Variants in ZNHIT6 observed in about 807,000 individuals in gnomAD.
ZNHIT6 encodes the protein zinc finger HIT-type containing 6.
A neutral mutation model predicts 57.2 loss-of-function variants in ZNHIT6; 45 were observed. That is an observed-to-expected ratio of 0.79 (90% CI 0.62 to 1.01). ZNHIT6 has a LOEUF of 1.01. ZNHIT6 is among the 50% of genes least tolerant of loss of function. The pLI, the probability that ZNHIT6 is intolerant of heterozygous loss-of-function variation, is 0.00. For synonymous variants in ZNHIT6, 188 were observed against 190.0 expected (o/e 0.99, Z 0.09); for missense variants, 528 against 567.3 (o/e 0.93, Z 0.70).
chr1:85,673,406 T>C (rs821378), intron 8 of ZNHIT6, among the ~76,000 whole-genome samples: 129,373 of 152,244 alleles, frequency 0.85, 55,312 homozygotes, highest in East Asian at 0.95. Flanking sequence ...AAAAAATAAG[T>C]CATGTATGGC....
chr1:85,672,174 C>T (rs951406617), intron 8 of ZNHIT6, among the ~76,000 whole-genome samples: 6 of 152,150 alleles, frequency 3.9e-5, no homozygotes, highest in African/African-American at 1.4e-4. Context: ...CTCTTAGCCT[C>T]TCCAGACCTT....
Position 85,653,414 on chromosome 1 carries a change from C to G in ZNHIT6, c.*644G>C, listed in dbSNP as rs1660966750. The stretch of plus-strand genomic sequence containing the variant: ...AGTGAGGTTCTACTAAAGGGAATGC[C>G]AACTTTGTGGTTGACATGGGTGATC... On this transcript the variant is annotated 3_prime_UTR_variant, in exon 10 of 10. Transcript: ENST00000370574. 6.6e-6 allele frequency: 1 copy of G among 152,066 alleles called. No individual in the cohort carries two copies. The highest frequency in any genetic ancestry group is 2.4e-5 in the African/African-American group (1 of 41,404). The allele number at this position is 152,066 out of a possible 1,614,324, so 9.4% of individuals were successfully genotyped here.
intron 8 of ZNHIT6, among the ~76,000 whole-genome samples, chr1:85,670,142 T>TAA (rs35375122): frequency 1.1e-4 from 17 of 151,590 alleles, no homozygotes; most frequent in African/African-American, 3.2e-4. Flanking sequence ...TGTAAACCAA[T>TAA]AAAAAAAACC....
At chr1:85,685,888 C>A (rs1662019965) in intron 5 of ZNHIT6, among the ~76,000 whole-genome samples, 1 of 151,076 alleles carries the variant, frequency 6.6e-6, no homozygotes, top group Non-Finnish European at 1.5e-5. Flanking sequence ...TCAGTAAAGT[C>A]AAAGATGCAT....
intron 8 of ZNHIT6, among the ~76,000 whole-genome samples, chr1:85,661,708 T>C (rs952551960): frequency 6.6e-6 from 1 of 152,198 alleles, no homozygotes; most frequent in African/African-American, 2.4e-5. Flanking sequence ...CTAAAACACT[T>C]AGGTTTAGCT....
chr1:85,694,722 A>C (rs1208647054), intron 5 of ZNHIT6, among the ~76,000 whole-genome samples: 1 of 152,224 alleles, frequency 6.6e-6, no homozygotes, highest in Non-Finnish European at 1.5e-5. Flanking sequence ...GGCCTCTCAA[A>C]GTGCTGGGTT....
chr1:85,705,450 A>T (rs1460797323), intron 4 of ZNHIT6, among the ~76,000 whole-genome samples: 1 of 152,138 alleles, frequency 6.6e-6, no homozygotes, highest in Non-Finnish European at 1.5e-5. Context: ...TCCTGAGCTC[A>T]AGGAATGCTC....
Position 85,708,360 on chromosome 1 carries a change from G to T in ZNHIT6, c.-76C>A, listed in dbSNP as rs140018459. 432 of 1,505,844 alleles carry T rather than the reference G, an allele frequency of 2.9e-4. 1 individual carries two copies. The East Asian group carries it at 5.7e-3, about 20-fold the overall frequency. The allele number at this position is 1,505,844 out of a possible 1,614,324, so 93.3% of individuals were successfully genotyped here. A position where few individuals can be genotyped will look rare whatever the true frequency, so the allele number is the denominator to read the frequency against. ...CTGCACACCAATAGGAGGAATTACC[G>T]GTCGGAATACCTACGGCGGCCCACG... On this transcript the variant is annotated 5_prime_UTR_variant, in exon 1 of 10. Transcript: ENST00000370574.
chr1:85,686,990 C>A (rs995799467), intron 5 of ZNHIT6, among the ~76,000 whole-genome samples: 8 of 151,642 alleles, frequency 5.3e-5, no homozygotes, highest in African/African-American at 1.2e-4. Flanking sequence ...AGTTTAGAGG[C>A]CGGGCATGGT....
chr1:85,667,961 A>AAAAAAAAATGTAT lies in ZNHIT6; in HGVS notation c.1247+9274_1247+9275insATACATTTTTTTT. 1.1e-4 allele frequency among the ~76,000 whole-genome samples: 2 copies of AAAAAAAAATGTAT among 18,202 alleles called. 1 individual carries two copies. Among genetic ancestry groups the AAAAAAAAATGTAT allele is most frequent in the African/African-American group, 4.2e-4 (2 of 4,712 alleles). 11.9% of individuals were successfully genotyped at this position (18,202 alleles called of 152,430 possible). On this transcript the variant is annotated intron_variant, in intron 8 of 9. Transcript: ENST00000370574. ...ACTCTCTCTTTCAAAAAAAAAAAAA[A>AAAAAAAAATGTAT]ATATATATATATATATATATATATG...
chr1:85,690,656 A>G (rs1662189545), intron 5 of ZNHIT6, among the ~76,000 whole-genome samples: 1 of 152,204 alleles, frequency 6.6e-6, no homozygotes, highest in African/African-American at 2.4e-5. Context: ...GAATAAGGTC[A>G]TTGACTTATA....
At chr1:85,658,878 A>C (rs754666165) in intron 8 of ZNHIT6, among the ~76,000 whole-genome samples, 34 of 152,100 alleles carry the variant, frequency 2.2e-4, no homozygotes, top group Non-Finnish European at 3.8e-4. Context: ...CCTCAAAAAA[A>C]TAAAAAAATA....
At chr1:85,672,482 G>A (rs113602481) in intron 8 of ZNHIT6, among the ~76,000 whole-genome samples, 8 of 152,202 alleles carry the variant, frequency 5.3e-5, no homozygotes, top group African/African-American at 1.9e-4. Flanking sequence ...CCATGCCCTT[G>A]CACTTCTTAA....
intron 8 of ZNHIT6, among the ~76,000 whole-genome samples, chr1:85,674,960 C>T (rs143612940): frequency 6.6e-6 from 1 of 152,216 alleles, no homozygotes; most frequent in African/African-American, 2.4e-5. Flanking sequence ...ACTGCTTGGG[C>T]CCAGAGAACA....
At chr1:85,698,823 GATTACAC>G (rs1338661545) in intron 5 of ZNHIT6, among the ~76,000 whole-genome samples, 3 of 152,156 alleles carry the variant, frequency 2.0e-5, no homozygotes, top group African/African-American at 7.2e-5. Context: ...AGTACTGTTT[GATTACAC>G]AGTGCTATCC....
chr1:85,650,889 T>C lies in ZNHIT6; in HGVS notation c.*3169A>G, dbSNP rs941870035. The stretch of plus-strand genomic sequence containing the variant: ...TTCATGTGGGATCTATCTGCCCCCA[T>C]GACCCAAACACCTTCCATTAGGCTC... On this transcript the variant is annotated 3_prime_UTR_variant, in exon 10 of 10. Coordinates refer to ENST00000370574, the MANE Select transcript of ZNHIT6 (RefSeq NM_017953.4). 3.3e-5 allele frequency: 5 copies of C among 152,350 alleles called. No homozygotes were observed. In the East Asian group the frequency reaches 5.8e-4, roughly 18 times the overall value. 9.4% of individuals were successfully genotyped at this position (152,350 alleles called of 1,614,324 possible).
intron 4 of ZNHIT6, among the ~76,000 whole-genome samples, chr1:85,705,372 G>A (rs1019533402): frequency 1.3e-5 from 2 of 151,874 alleles, no homozygotes; most frequent in African/African-American, 4.8e-5. Context: ...ACGCCACCAC[G>A]CCTGGCTAAT....
rs1169648165 is a variant in ZNHIT6 at position 85,652,402 on chromosome 1, C to T, written c.*1656G>A. On this transcript the variant is annotated 3_prime_UTR_variant, in exon 10 of 10. Coordinates refer to ENST00000370574, the MANE Select transcript of ZNHIT6 (RefSeq NM_017953.4). ...GTCTCTCCAATAATACTGTGAACAA[C>T]GTAATTCTACACAAATTCTTTATCA... 6.6e-6 allele frequency: 1 copy of T among 152,150 alleles called. No homozygotes were observed. Among genetic ancestry groups the T allele is most frequent in the Non-Finnish European group, 1.5e-5 (1 of 68,014 alleles). The allele number at this position is 152,150 out of a possible 1,614,324, so 9.4% of individuals were successfully genotyped here.
intron 8 of ZNHIT6, among the ~76,000 whole-genome samples, chr1:85,658,965 T>A (rs1449880850): frequency 2.0e-5 from 3 of 152,214 alleles, no homozygotes; most frequent in African/African-American, 7.2e-5. Context: ...TCCTCAAATA[T>A]ATTTATTTTG....
Sources: allele counts gnomAD v4.1 joint callset (sites outside exome capture counted in the v4.1 genomes callset), GRCh38; gene constraint gnomAD v4.1.1; transcripts MANE v1.5; gene names NCBI Gene and HGNC (gene_info 2026-07-23, HGNC 2026-07-21).